GRM5: variants seen among roughly 807,000 people sequenced by gnomAD.
The protein encoded by GRM5 is metabotropic glutamate receptor 5.
In GRM5, 19 loss-of-function variants were observed where a neutral mutation model predicts 83.1. The ratio of observed to expected loss-of-function variants is 0.23; its 90% CI spans 0.16 to 0.34. The LOEUF (loss-of-function observed/expected upper bound fraction) is 0.34, where lower values mean the gene tolerates loss of function less well. Among genes scored for constraint, GRM5 ranks in the 10% least tolerant of loss-of-function variants. GRM5 has a pLI of 1.00. For missense variants in GRM5, 1,160 were observed against 1,588.3 expected (o/e 0.73, Z 4.58); for synonymous variants, 675 against 633.6 (o/e 1.07, Z -0.98).
At chr11:88,599,780 G>A (rs1413506771) in intron 5 of GRM5, among the ~76,000 whole-genome samples, 9 of 152,284 alleles carry the variant, frequency 5.9e-5, no homozygotes, top group African/African-American at 2.2e-4. Context: ...TTGGGAGGCT[G>A]AGGCGGGCAG....
chr11:88,787,131 A>ATGTGTGTGTGTG (rs57116541), intron 3 of GRM5, among the ~76,000 whole-genome samples: 27 of 143,438 alleles, frequency 1.9e-4, no homozygotes, highest in African/African-American at 6.4e-4. Context: ...ATATGATATG[A>ATGTGTGTGTGTG]TGTGTGTGTG....
intron 4 of GRM5, among the ~76,000 whole-genome samples, chr11:88,633,062 G>A (rs1269822835): frequency 6.6e-6 from 1 of 152,100 alleles, no homozygotes; most frequent in Admixed American, 6.6e-5. Flanking sequence ...TGTATGGTTG[G>A]CAGATAGGTA....
chr11:88,915,242 TGAA>T, intron 2 of GRM5, among the ~76,000 whole-genome samples: 1 of 152,240 alleles, frequency 6.6e-6, no homozygotes, highest in South Asian at 2.1e-4. Flanking sequence ...AAATATACTA[TGAA>T]GTAGTACCCC....
intron 7 of GRM5, among the ~76,000 whole-genome samples, chr11:88,576,255 T>A (rs540833838): frequency 6.6e-6 from 1 of 152,298 alleles, no homozygotes; most frequent in Non-Finnish European, 1.5e-5. Context: ...CTTTTCTGAT[T>A]CCCTGAAGCT....
intron 3 of GRM5, among the ~76,000 whole-genome samples, chr11:88,687,569 A>AT (rs1554994003): frequency 3.8e-5 from 1 of 26,250 alleles, no homozygotes; most frequent in Non-Finnish European, 5.8e-5. Context: ...TATTATATAT[A>AT]TATATATATA....
At chr11:88,878,253 A>G (rs1457289048) in intron 2 of GRM5, among the ~76,000 whole-genome samples, 2 of 152,170 alleles carry the variant, frequency 1.3e-5, no homozygotes, top group Non-Finnish European at 2.9e-5. Flanking sequence ...GAAGACTCCA[A>G]ATATTTCTGC....
intron 2 of GRM5, among the ~76,000 whole-genome samples, chr11:88,856,431 G>A (rs1246268075): frequency 2.0e-5 from 3 of 151,988 alleles, no homozygotes; most frequent in Admixed American, 6.6e-5. Flanking sequence ...CCCACTGGAA[G>A]GCCTTTAGGG....
intron 2 of GRM5, among the ~76,000 whole-genome samples, chr11:88,970,735 T>G (rs1939142369): frequency 6.6e-6 from 1 of 151,986 alleles, no homozygotes; most frequent in African/African-American, 2.4e-5. Flanking sequence ...TTTGTCTTCC[T>G]TTTTCTCTTT....
chr11:88,625,325 A>G (rs1938762537), intron 4 of GRM5, among the ~76,000 whole-genome samples: 2 of 152,154 alleles, frequency 1.3e-5, no homozygotes, highest in Non-Finnish European at 2.9e-5. Context: ...GAAAGAGAGA[A>G]AAGGCTATAC....
chr11:88,833,541 A>G (rs1944037221), intron 3 of GRM5, among the ~76,000 whole-genome samples: 1 of 152,156 alleles, frequency 6.6e-6, no homozygotes, highest in Admixed American at 6.6e-5. Flanking sequence ...TTATACAGAC[A>G]CTATGGAAAA....
intron 8 of GRM5, among the ~76,000 whole-genome samples, chr11:88,537,952 G>T (rs564482465): frequency 6.6e-6 from 1 of 152,162 alleles, no homozygotes; most frequent in East Asian, 1.9e-4. Context: ...GCTGAAAAGT[G>T]GGGAAGCAAT....
At chr11:88,943,809 G>A (rs1938190287) in intron 2 of GRM5, among the ~76,000 whole-genome samples, 1 of 151,444 alleles carries the variant, frequency 6.6e-6, no homozygotes, top group Non-Finnish European at 1.5e-5. Flanking sequence ...ACTACAGTAT[G>A]CAATGTAGAG....
At chr11:88,819,222 G>A (rs10831491) in intron 3 of GRM5, among the ~76,000 whole-genome samples, 39,819 of 151,948 alleles carry the variant, frequency 0.26, 5,628 homozygotes, top group South Asian at 0.54. Context: ...TATGACCTTG[G>A]CCACATCACA....
intron 2 of GRM5, among the ~76,000 whole-genome samples, chr11:88,899,563 G>T (rs1281484206): frequency 6.6e-6 from 1 of 151,828 alleles, no homozygotes; most frequent in Non-Finnish European, 1.5e-5. Context: ...AGAGGAAATG[G>T]ACTGATTTAC....
chr11:88,622,650 C>G (rs1394774478), intron 4 of GRM5, among the ~76,000 whole-genome samples: 3 of 152,066 alleles, frequency 2.0e-5, no homozygotes, highest in African/African-American at 7.2e-5. Flanking sequence ...ATCTTTTAAT[C>G]AAAACATGAT....
chr11:88,545,728 T>C (rs1942372600), intron 8 of GRM5, among the ~76,000 whole-genome samples: 1 of 152,152 alleles, frequency 6.6e-6, no homozygotes, highest in African/African-American at 2.4e-5. Flanking sequence ...TCACCTATCC[T>C]GTTGCAATGG....
At chr11:89,042,336 T>G (rs1324656189) in intron 2 of GRM5, among the ~76,000 whole-genome samples, 2 of 152,140 alleles carry the variant, frequency 1.3e-5, no homozygotes. Flanking sequence ...ACTAATAATC[T>G]CCAGCAATGT....
chr11:88,689,952 C>T (rs1422305317), intron 3 of GRM5, among the ~76,000 whole-genome samples: 1 of 151,906 alleles, frequency 6.6e-6, no homozygotes, highest in Non-Finnish European at 1.5e-5. Flanking sequence ...ATTTAAAGTT[C>T]CTTCCTTATG....
At chr11:88,886,895 T>G (rs1480279506) in intron 2 of GRM5, among the ~76,000 whole-genome samples, 2 of 152,178 alleles carry the variant, frequency 1.3e-5, no homozygotes, top group Admixed American at 6.5e-5. Flanking sequence ...GAAGGCATCT[T>G]TGTGATTTTC....
Sources: allele counts gnomAD v4.1 joint callset (sites outside exome capture counted in the v4.1 genomes callset), GRCh38; gene constraint gnomAD v4.1.1; transcripts MANE v1.5; gene names NCBI Gene and HGNC (gene_info 2026-07-23, HGNC 2026-07-21).